The following ATP2C2 variants were observed in gnomAD, a reference collection of about 807,000 sequenced individuals.
ATP2C2 encodes ATPase secretory pathway Ca2+ transporting 2, also known as calcium-transporting ATPase type 2C member 2.
In ATP2C2, 171 loss-of-function variants were observed where a neutral mutation model predicts 110.8. The observed-to-expected ratio is 1.54, with a 90% confidence interval of 1.36 to 1.75. The LOEUF (loss-of-function observed/expected upper bound fraction) is 1.75, where lower values mean the gene tolerates loss of function less well. ATP2C2 is among the 40% of genes most tolerant of loss of function. The pLI is 0.00. For synonymous variants in ATP2C2, 804 were observed against 508.4 expected (o/e 1.58, Z -7.82); for missense variants, 1,963 against 1,235.0 (o/e 1.59, Z -8.84).
chr16:84,405,028 C>T lies in ATP2C2; in HGVS notation c.211-100C>T, dbSNP rs1185700009. ...GGTGGACAAGCCTGTGTCCCTGGCC[C>T]ATCATGGAAGCCGCTGCCTTTCAGA... On this transcript the variant is annotated intron_variant, in intron 2 of 26. Coordinates refer to ENST00000262429, the MANE Select transcript of ATP2C2 (RefSeq NM_014861.4). The T allele has an allele frequency of 8.2e-6, 8 of 977,928 alleles. No individual in the cohort carries two copies. The African/African-American group carries it at 1.3e-4, about 16-fold the overall frequency. 60.6% of individuals were successfully genotyped at this position (977,928 alleles called of 1,614,324 possible).
chr16:84,392,139 C>T (rs1378190856), intron 1 of ATP2C2, among the ~76,000 whole-genome samples: 1 of 151,970 alleles, frequency 6.6e-6, no homozygotes. Flanking sequence ...GACTCTGTTA[C>T]CCAGTGCCAA....
rs565840111 is a variant in ATP2C2 at position 84,453,357 on chromosome 16, C to A, written c.1966C>A (p.Leu656Ile). 150 of 1,614,200 alleles carry A rather than the reference C, an allele frequency of 9.3e-5. 3 individuals are homozygous for A. The South Asian group carries it at 1.6e-3, about 17-fold the overall frequency. ...VFFRTSPKHKLKIIKALQESG... is the reference protein window; with the variant it reads ...VFFRTSPKHKIKIIKALQESG... ...CTTCAGGACCAGCCCAAAGCACAAGCTCAAAATCATCAAGGTTCGCTGGGC... is the reference window on the plus strand; with the variant it reads ...CTTCAGGACCAGCCCAAAGCACAAGATCAAAATCATCAAGGTTCGCTGGGC... The change falls in exon 20 of 27, where the codon CTC (leucine) becomes ATC (isoleucine). Residue 656 changes from leucine (L) to isoleucine (I), a missense_variant. Physicochemically the swap from Leu to Ile is conservative, Grantham distance 5. Coordinates refer to ENST00000262429, the MANE Select transcript of ATP2C2 (RefSeq NM_014861.4).
At chr16:84,412,169 C>T (rs1037299867) in intron 6 of ATP2C2, among the ~76,000 whole-genome samples, 2 of 152,124 alleles carry the variant, frequency 1.3e-5, no homozygotes, top group Admixed American at 6.6e-5. Context: ...GCATGCCATG[C>T]CACCACACCT....
At position 84,405,174 on chromosome 16, in the gene ATP2C2, G is replaced by A. The variant is rs200715595; in HGVS notation, c.257G>A (p.Arg86Gln). The A allele has an allele frequency of 4.3e-5, 70 of 1,613,688 alleles. No individual in the cohort carries two copies. The highest frequency in any genetic ancestry group is 1.6e-4 in the Middle Eastern group (1 of 6,084). Residue 86 changes from arginine to glutamine, a missense_variant, in exon 3 of 27, where the codon CGG (arginine) becomes CAG (glutamine). Arg to Gln is a conservative substitution (Grantham distance 43, BLOSUM62 1). Coordinates refer to ENST00000262429, the MANE Select transcript of ATP2C2 (RefSeq NM_014861.4). ...GLSEFSVTQR[R>Q]LAHGWNEFVA... is the part of the protein sequence containing the mutation. ...TCGGAGTTCTCGGTGACGCAGCGCC[G>A]GCTGGCCCATGGCTGGAATGAGTTT... is the stretch of plus-strand genomic sequence containing the variant.
chr16:84,410,558 T>C lies in ATP2C2; in HGVS notation c.418-10T>C. 1 of 1,613,812 alleles carries C rather than the reference T, an allele frequency of 6.2e-7. No individual in the cohort carries two copies. The highest frequency in any genetic ancestry group is 8.5e-7 in the Non-Finnish European group (1 of 1,179,872). On this transcript the variant is annotated splice_polypyrimidine_tract_variant and intron_variant, in intron 4 of 26. Transcript: ENST00000262429. ...TCTGGTACTGACACCCTCCTCCGTT[T>C]GCTGTCTAGGCAGTGCTTGTCGTGG... is the stretch of plus-strand genomic sequence containing the variant.
intron 1 of ATP2C2, among the ~76,000 whole-genome samples, chr16:84,384,980 C>T (rs373936581): frequency 3.3e-5 from 5 of 152,264 alleles, no homozygotes; most frequent in East Asian, 1.9e-4. Context: ...ACCCAGGAGG[C>T]GGAGGTTGCA....
Position 84,463,648 on chromosome 16 carries a change from C to A in ATP2C2, c.2757C>A (p.Val919=). 6.2e-7 allele frequency: 1 copy of A among 1,614,226 alleles called. No homozygotes were observed. Among genetic ancestry groups the A allele is most frequent in the Non-Finnish European group, 8.5e-7 (1 of 1,180,038 alleles). The change falls in exon 27 of 27, where the codon GTC becomes GTA. Residue 919 remains valine, a synonymous_variant. Transcript: ENST00000262429. ...TTTTAACTGGATTGGCCTCATCCGTCTTCATTTTGTCAGAGCTCCTCAAAC... is the reference window on the plus strand; with the variant it reads ...TTTTAACTGGATTGGCCTCATCCGTATTCATTTTGTCAGAGCTCCTCAAAC... ...LLFLTGLASS[V]FILSELLKLC... is the part of the protein sequence containing the mutation.
intron 15 of ATP2C2, 64 bp from the exon 16 acceptor site, chr16:84,446,260 ATGGAC>A: frequency 1.1e-6 from 1 of 870,712 alleles, no homozygotes; most frequent in Non-Finnish European, 1.7e-6. Flanking sequence ...AATAATTTAA[ATGGAC>A]TGAGCTTTGT....
intron 1 of ATP2C2, among the ~76,000 whole-genome samples, chr16:84,373,862 G>C (rs1458890855): frequency 2.0e-5 from 3 of 152,148 alleles, no homozygotes; most frequent in Non-Finnish European, 4.4e-5. Context: ...TTTTGATTTT[G>C]AAAATACTGA....
intron 13 of ATP2C2, 64 bp downstream of exon 13, chr16:84,439,588 C>G (rs1909061187): frequency 7.0e-7 from 1 of 1,438,502 alleles, no homozygotes; most frequent in East Asian, 2.3e-5. Flanking sequence ...CCTTTCTAAA[C>G]TAAGCACACA....
Position 84,453,254 on chromosome 16 carries a change from GGCT to G in ATP2C2, c.1929+21_1929+23del. 1 of 1,614,018 alleles carries G rather than the reference GGCT, an allele frequency of 6.2e-7. No individual in the cohort carries two copies. Among genetic ancestry groups the G allele is most frequent in the Admixed American group, 1.7e-5 (1 of 60,016 alleles). On this transcript the variant is annotated intron_variant, in intron 19 of 26. Transcript: ENST00000262429. ...GGGGAAGGTGGGTCCCCGGAGGCTT[GGCT>G]GGCAGTGGGGCTGGGTCACAGCTTT... is the stretch of plus-strand genomic sequence containing the variant.
chr16:84,379,712 C>T (rs959114776), intron 1 of ATP2C2, among the ~76,000 whole-genome samples: 5 of 152,192 alleles, frequency 3.3e-5, no homozygotes, highest in African/African-American at 1.2e-4. Flanking sequence ...GATCCATCCT[C>T]CTGTTTGCCA....
In ATP2C2 at chr16:84,463,642, A is replaced by T. The variant is rs1911622934; in HGVS notation, c.2751A>T (p.Ser917=). 1.9e-6 allele frequency: 3 copies of T among 1,614,176 alleles called. No homozygotes were observed. Among genetic ancestry groups the T allele is most frequent in the Non-Finnish European group, 2.5e-6 (3 of 1,180,024 alleles). ...TGCTGTTTTTAACTGGATTGGCCTC[A>T]TCCGTCTTCATTTTGTCAGAGCTCC... The part of the protein sequence containing the change: ...LDLLFLTGLA[S]SVFILSELLK... The change falls in exon 27 of 27, where the codon TCA becomes TCT. Residue 917 remains serine (S), a synonymous_variant. Transcript: ENST00000262429.
chr16:84,397,685 A>G (rs985605542), intron 1 of ATP2C2, among the ~76,000 whole-genome samples: 13 of 150,430 alleles, frequency 8.6e-5, no homozygotes, highest in Non-Finnish European at 8.9e-5. Context: ...TTGCTTAAAA[A>G]TAGATGCATC....
chr16:84,439,533 C>CA lies in ATP2C2; in HGVS notation c.1209+12dup. The CA allele has an allele frequency of 6.2e-7, 1 of 1,613,320 alleles. No homozygotes were observed. Among genetic ancestry groups the CA allele is most frequent in the Admixed American group, 1.7e-5 (1 of 60,014 alleles). On this transcript the variant is annotated intron_variant, in intron 13 of 26. Coordinates refer to ENST00000262429, the MANE Select transcript of ATP2C2 (RefSeq NM_014861.4). ...ATGGGCTTCGTGCCGAGGTGAGTGC[C>CA]AAAGGAATTTACAAGCCTTAAGGAT...
intron 2 of ATP2C2, among the ~76,000 whole-genome samples, chr16:84,398,908 G>A (rs546981972): frequency 1.3e-4 from 20 of 152,346 alleles, no homozygotes; most frequent in African/African-American, 4.6e-4. Context: ...GATGGAAGAT[G>A]AAGTTGAGAC....
chr16:84,425,198 A>G (rs1907701271), intron 10 of ATP2C2, among the ~76,000 whole-genome samples: 1 of 152,106 alleles, frequency 6.6e-6, no homozygotes, highest in African/African-American at 2.4e-5. Context: ...ACCTGGCAAC[A>G]CCACCCACCT....
chr16:84,414,859 G>C (rs1906693015), intron 6 of ATP2C2, among the ~76,000 whole-genome samples: 1 of 152,138 alleles, frequency 6.6e-6, no homozygotes, highest in Non-Finnish European at 1.5e-5. Context: ...GGAGGGTTTG[G>C]AGCAGGAGGG....
intron 7 of ATP2C2, 46 bp from the exon 8 acceptor site, chr16:84,422,344 C>G (rs201155219): frequency 2.5e-6 from 4 of 1,586,262 alleles, no homozygotes; most frequent in African/African-American, 1.4e-5. Context: ...CACCAATTCT[C>G]GGGGTGACAG....
Sources: allele counts gnomAD v4.1 joint callset (sites outside exome capture counted in the v4.1 genomes callset), GRCh38; gene constraint gnomAD v4.1.1; transcripts MANE v1.5; gene names NCBI Gene and HGNC (gene_info 2026-07-23, HGNC 2026-07-21).